The following KAZN variants were observed in gnomAD, a reference collection of about 807,000 sequenced individuals.
KAZN encodes the protein kazrin, periplakin interacting protein.
A neutral mutation model predicts 87.4 loss-of-function variants in KAZN; 40 were observed. That is an observed-to-expected ratio of 0.46 (90% CI 0.36 to 0.60). The LOEUF (loss-of-function observed/expected upper bound fraction) is 0.60, where lower values mean the gene tolerates loss of function less well. Ranked by LOEUF, KAZN falls within the 20% of genes least tolerant of loss-of-function variation. The probability of loss-of-function intolerance (pLI) is 0.00; values close to 1 mark genes in which losing one functional copy is unlikely to be tolerated. For missense variants in KAZN, 898 were observed against 1,073.9 expected (o/e 0.84, Z 2.29); for synonymous variants, 466 against 458.3 (o/e 1.02, Z -0.22).
At chr1:14,883,350 GAAA>G (rs1653608263) in intron 1 of KAZN, among the ~76,000 whole-genome samples, 3 of 34,520 alleles carry the variant, frequency 8.7e-5, no homozygotes, top group African/African-American at 2.7e-4. Context: ...GAGAAAGAAA[GAAA>G]GAAAAGAAAG....
intron 1 of KAZN, among the ~76,000 whole-genome samples, chr1:14,636,474 C>T (rs1390319879): frequency 6.6e-6 from 1 of 152,222 alleles, no homozygotes; most frequent in Non-Finnish European, 1.5e-5. Context: ...ATTTCTGCCT[C>T]TCCTATGTCG....
intron 2 of KAZN, among the ~76,000 whole-genome samples, chr1:14,375,781 G>A (rs6675158): frequency 0.25 from 37,390 of 151,992 alleles, 5,822 homozygotes; most frequent in Non-Finnish European, 0.35. Flanking sequence ...CCAGCTACTC[G>A]GGAGGCTGAG....
At chr1:14,638,088 C>T (rs1402526807) in intron 1 of KAZN, among the ~76,000 whole-genome samples, 8 of 152,156 alleles carry the variant, frequency 5.3e-5, no homozygotes, top group Non-Finnish European at 1.2e-4. Flanking sequence ...TCCGTGTGTC[C>T]TCTCCTCTTC....
chr1:14,022,255 G>A (rs546039839), intron 1 of KAZN, among the ~76,000 whole-genome samples: 104 of 151,502 alleles, frequency 6.9e-4, no homozygotes, highest in Non-Finnish European at 1.2e-3. Flanking sequence ...CATTAAGTTC[G>A]GTCATGGTGT....
intron 2 of KAZN, among the ~76,000 whole-genome samples, chr1:14,329,135 C>T (rs1044836211): frequency 1.3e-5 from 2 of 152,174 alleles, no homozygotes; most frequent in East Asian, 1.9e-4. Context: ...CTCCCATTCT[C>T]TCTGCTCTGC....
chr1:15,050,024 A>AGTAGG (rs762329299), intron 4 of KAZN, among the ~76,000 whole-genome samples: 1,455 of 120,386 alleles, frequency 0.012, 19 homozygotes, highest in East Asian at 0.052. Flanking sequence ...ATCAGAGTAG[A>AGTAGG]GTAGGGTAGG....
upstream of KAZN, among the ~76,000 whole-genome samples, chr1:14,595,935 T>C (rs1676484229): frequency 6.6e-6 from 1 of 152,162 alleles, no homozygotes; most frequent in Non-Finnish European, 1.5e-5. Context: ...AAGCAGCTTC[T>C]TGAAACCTCA....
Position 15,035,023 on chromosome 1 carries a change from C to T in KAZN, c.555+138C>T, listed in dbSNP as rs147519920. The stretch of plus-strand genomic sequence containing the variant: ...AGGCCCTTGATGTGTCCAGCCAGGC[C>T]TAGGCACCGAGATAAAACCGGCACA... On this transcript the variant is annotated intron_variant, in intron 3 of 14. Transcript: ENST00000376030. 6.0e-5 allele frequency: 64 copies of T among 1,061,148 alleles called. No individual in the cohort carries two copies. The African/African-American group carries it at 9.5e-4, about 16-fold the overall frequency. The allele number at this position is 1,061,148 out of a possible 1,614,324, so 65.7% of individuals were successfully genotyped here.
intron 2 of KAZN, among the ~76,000 whole-genome samples, chr1:14,542,935 G>C (rs190258082): frequency 1.4e-4 from 20 of 137,994 alleles, no homozygotes; most frequent in Non-Finnish European, 2.6e-4. Context: ...AGAAGTGGCA[G>C]CCCTGCTCTT....
chr1:14,564,664 T>A (rs1426368551), intron 2 of KAZN, among the ~76,000 whole-genome samples: 2 of 113,890 alleles, frequency 1.8e-5, no homozygotes, highest in African/African-American at 6.4e-5. Context: ...AAAAAAAAAA[T>A]TAGCTTGGAG....
At chr1:14,165,640 A>G (rs971362387) in intron 1 of KAZN, among the ~76,000 whole-genome samples, 1 of 152,152 alleles carries the variant, frequency 6.6e-6, no homozygotes, top group African/African-American at 2.4e-5. Flanking sequence ...GTTTCTCCTT[A>G]GATGCTTTCT....
intron 1 of KAZN, among the ~76,000 whole-genome samples, chr1:14,006,075 A>G (rs1328313976): frequency 6.6e-6 from 1 of 152,216 alleles, no homozygotes; most frequent in Admixed American, 6.5e-5. Context: ...GATATACATT[A>G]CACAAATATT....
At chr1:13,997,974 A>G (rs556488666) in intron 1 of KAZN, among the ~76,000 whole-genome samples, 3 of 152,186 alleles carry the variant, frequency 2.0e-5, no homozygotes, top group Non-Finnish European at 4.4e-5. Context: ...GGGCAGCCAG[A>G]GAGAAAGGCC....
intron 1 of KAZN, among the ~76,000 whole-genome samples, chr1:14,100,337 T>C (rs1644222061): frequency 6.6e-6 from 1 of 152,134 alleles, no homozygotes. Flanking sequence ...TGTCCCTGTG[T>C]TAGGAGGTCC....
chr1:13,902,446 A>G (rs988606465), intron 1 of KAZN, among the ~76,000 whole-genome samples: 1 of 152,204 alleles, frequency 6.6e-6, no homozygotes, highest in Non-Finnish European at 1.5e-5. Flanking sequence ...TGTTTTCATT[A>G]GGCCTGATGT....
At chr1:14,914,259 C>G (rs924411008) in intron 1 of KAZN, among the ~76,000 whole-genome samples, 7 of 152,204 alleles carry the variant, frequency 4.6e-5, no homozygotes. Context: ...TGCCCTAGGG[C>G]TTACCTGATT....
intron 3 of KAZN, among the ~76,000 whole-genome samples, chr1:15,037,206 C>A (rs1265699867): frequency 6.6e-6 from 1 of 152,246 alleles, no homozygotes; most frequent in Non-Finnish European, 1.5e-5. Flanking sequence ...TGCCCAGCAG[C>A]AGGGAAACCT....
At chr1:14,553,129 T>C (rs1251708177) in intron 2 of KAZN, among the ~76,000 whole-genome samples, 1 of 152,094 alleles carries the variant, frequency 6.6e-6, no homozygotes, top group Admixed American at 6.5e-5. Flanking sequence ...AGTCCTAACA[T>C]TTTGGGAAGC....
chr1:14,107,246 C>A (rs913234034), intron 1 of KAZN, among the ~76,000 whole-genome samples: 1 of 151,608 alleles, frequency 6.6e-6, no homozygotes, highest in African/African-American at 2.4e-5. Context: ...AGTGATCCAC[C>A]CCTGTCATCT....
Sources: allele counts gnomAD v4.1 joint callset (sites outside exome capture counted in the v4.1 genomes callset), GRCh38; gene constraint gnomAD v4.1.1; transcripts MANE v1.5; gene names NCBI Gene and HGNC (gene_info 2026-07-23, HGNC 2026-07-21).